ABI3BP: variants seen among roughly 807,000 people sequenced by gnomAD.
The protein encoded by ABI3BP is ABI family member 3 binding protein.
A neutral mutation model predicts 268.6 loss-of-function variants in ABI3BP; 216 were observed. That is an observed-to-expected ratio of 0.80 (90% CI 0.72 to 0.90). The LOEUF is 0.90. Among genes scored for constraint, ABI3BP ranks in the 40% least tolerant of loss-of-function variants. ABI3BP has a pLI of 0.00. For missense variants in ABI3BP, 2,090 were observed against 2,182.4 expected (o/e 0.96, Z 0.84); for synonymous variants, 730 against 730.0 (o/e 1.00, Z 0.00).
At chr3:100,916,902 T>G (rs1653797427) in intron 2 of ABI3BP, among the ~76,000 whole-genome samples, 1 of 152,206 alleles carries the variant, frequency 6.6e-6, no homozygotes, top group African/African-American at 2.4e-5. Context: ...GTATGTAGAT[T>G]GCATATAGAT....
intron 45 of ABI3BP, among the ~76,000 whole-genome samples, chr3:100,813,376 T>C (rs1057069680): frequency 6.6e-6 from 1 of 152,126 alleles, no homozygotes; most frequent in Non-Finnish European, 1.5e-5. Flanking sequence ...GGATAAATAA[T>C]AAAATCAGTT....
At position 100,826,462 on chromosome 3, in the gene ABI3BP, T is replaced by C. The variant is rs1438935632; in HGVS notation, c.2603-618A>G. Among the ~76,000 whole-genome samples, 3 of 152,168 alleles carry C rather than the reference T, an allele frequency of 2.0e-5. No homozygotes were observed. The East Asian group carries it at 5.8e-4, about 29-fold the overall frequency. ...AGGCAAACAATTCCTGTAGTTATGG[T>C]GTTTATCTGAATATAATATGGAAGA... On this transcript the variant is annotated intron_variant, in intron 34 of 67. Coordinates refer to ENST00000471714, the MANE Select transcript of ABI3BP (RefSeq NM_001375547.2).
At chr3:100,993,279 T>C in intron 1 of ABI3BP, 27 bp downstream of exon 1, 2 of 1,451,156 alleles carry the variant, frequency 1.4e-6, no homozygotes, top group Non-Finnish European at 1.9e-6. Flanking sequence ...ATATTATTTT[T>C]AAAACATAAA....
chr3:100,927,156 T>G (rs1242969126), intron 1 of ABI3BP, among the ~76,000 whole-genome samples: 4 of 152,096 alleles, frequency 2.6e-5, no homozygotes, highest in African/African-American at 9.7e-5. Flanking sequence ...TGGATGAACT[T>G]TCCCAGAGAG....
At chr3:100,863,816 TAAAAGA>T in intron 12 of ABI3BP, 180 bp downstream of exon 12, 1 of 552,708 alleles carries the variant, frequency 1.8e-6, no homozygotes, top group South Asian at 2.6e-5. Context: ...TATGACCACT[TAAAAGA>T]AAAACAACCC....
chr3:100,991,966 C>A (rs1309919422), intron 1 of ABI3BP, among the ~76,000 whole-genome samples: 7 of 152,122 alleles, frequency 4.6e-5, no homozygotes, highest in Admixed American at 3.9e-4. Flanking sequence ...ACTGAGAAAA[C>A]CCCCAGACTC....
intron 1 of ABI3BP, among the ~76,000 whole-genome samples, chr3:100,964,230 T>G (rs926821042): frequency 2.0e-5 from 3 of 152,176 alleles, no homozygotes; most frequent in Middle Eastern, 6.8e-3. Context: ...GCCACTTGTA[T>G]GGTAAAGAGC....
chr3:100,829,730 C>T, intron 32 of ABI3BP, 66 bp from the exon 33 acceptor site: 1 of 1,252,538 alleles, frequency 8.0e-7, no homozygotes, highest in Non-Finnish European at 1.1e-6. Flanking sequence ...TAAGATTATA[C>T]TTGTTATAAT....
chr3:100,902,213 A>G (rs1427974647), intron 3 of ABI3BP, among the ~76,000 whole-genome samples: 1 of 152,188 alleles, frequency 6.6e-6, no homozygotes, highest in Non-Finnish European at 1.5e-5. Flanking sequence ...TGCCCTTAAC[A>G]TCTGAAAGGC....
Position 100,838,459 on chromosome 3 carries a change from T to C in ABI3BP, c.1951A>G (p.Lys651Glu), listed in dbSNP as rs1034915941. ...PEPLVPTTAS[K>E]PSERPKTTHR... The stretch of plus-strand genomic sequence containing the variant: ...GTGGTTTTAGGTCTCTCAGATGGTT[T>C]TGAGGCTAAAGAAAAAGGTATTAAA... The change falls in exon 25 of 68, where the codon AAA becomes GAA. Residue 651 changes from lysine to glutamate, a missense_variant. Coordinates refer to ENST00000471714, the MANE Select transcript of ABI3BP (RefSeq NM_001375547.2). 2 of 1,535,592 alleles carry C rather than the reference T, an allele frequency of 1.3e-6. No homozygotes were observed. The highest frequency in any genetic ancestry group is 1.2e-5 in the South Asian group (1 of 84,008).
chr3:100,933,796 A>G (rs954571844), intron 1 of ABI3BP, among the ~76,000 whole-genome samples: 4 of 151,994 alleles, frequency 2.6e-5, no homozygotes, highest in Non-Finnish European at 4.4e-5. Flanking sequence ...AAAATGCCCA[A>G]CATCTGGGTT....
intron 18 of ABI3BP, 99 bp from the exon 19 acceptor site, chr3:100,847,772 T>G: frequency 1.0e-6 from 1 of 995,632 alleles, no homozygotes; most frequent in South Asian, 1.3e-5. Flanking sequence ...TCCTGCCATA[T>G]TTAGTAGTCA....
intron 1 of ABI3BP, among the ~76,000 whole-genome samples, chr3:100,933,827 G>A (rs985594245): frequency 6.6e-6 from 1 of 151,758 alleles, no homozygotes; most frequent in Non-Finnish European, 1.5e-5. Context: ...TGTCTGTAAC[G>A]GGTCAGATAG....
chr3:100,894,966 A>AAAAAAAAAAAAAAC (rs1561385846), intron 4 of ABI3BP, among the ~76,000 whole-genome samples: 1 of 138,614 alleles, frequency 7.2e-6, no homozygotes, highest in Non-Finnish European at 1.6e-5. Context: ...AAAAAAAAAA[A>AAAAAAAAAAAAAAC]ACAGAAAAAA....
chr3:100,763,164 C>G (rs1398689565), intron 63 of ABI3BP, among the ~76,000 whole-genome samples: 1 of 152,022 alleles, frequency 6.6e-6, no homozygotes. Flanking sequence ...TTTCCCAAAG[C>G]TAAATCTAGA....
At chr3:100,875,261 A>G (rs1403221033) in intron 8 of ABI3BP, among the ~76,000 whole-genome samples, 1 of 152,248 alleles carries the variant, frequency 6.6e-6, no homozygotes, top group Admixed American at 6.5e-5. Context: ...TCTGTGGGGC[A>G]GGTAGGACAG....
At chr3:100,954,301 C>T (rs1370810825) in intron 1 of ABI3BP, among the ~76,000 whole-genome samples, 1 of 152,104 alleles carries the variant, frequency 6.6e-6, no homozygotes, top group Non-Finnish European at 1.5e-5. Flanking sequence ...AAGATAACAA[C>T]TCCAATTTTT....
At chr3:100,799,997 C>T (rs888309776) in intron 51 of ABI3BP, among the ~76,000 whole-genome samples, 4 of 152,134 alleles carry the variant, frequency 2.6e-5, no homozygotes, top group East Asian at 1.9e-4. Flanking sequence ...TTTCAGTTAA[C>T]GGCATCATTA....
In ABI3BP at chr3:100,973,493, C is replaced by T. The variant is rs564749574; in HGVS notation, c.79+19813G>A. ...CCCATGGAAGTTAAATTTTTTCTCC[C>T]AAGGTCACCTGTCCAGTTAGAAGCA... On this transcript the variant is annotated intron_variant, in intron 1 of 67. Transcript: ENST00000471714. 4.6e-5 allele frequency among the ~76,000 whole-genome samples: 7 copies of T among 152,198 alleles called. No individual in the cohort carries two copies. In the East Asian group the frequency reaches 1.4e-3, roughly 29 times the overall value.
Sources: gnomAD v4.1 joint callset for allele counts (sites outside exome capture counted in the v4.1 genomes callset) on GRCh38, gnomAD v4.1.1 for gene constraint, MANE v1.5 for transcripts, NCBI Gene and HGNC (gene_info 2026-07-23, HGNC 2026-07-21) for gene names.